Variants in LARP4 observed in about 807,000 individuals in gnomAD.
LARP4 encodes the protein la-related protein 4.
In LARP4, 29 loss-of-function variants were observed where a neutral mutation model predicts 92.9. The ratio of observed to expected loss-of-function variants is 0.31; its 90% confidence interval spans 0.23 to 0.43. LARP4 has a LOEUF of 0.43. Ranked by LOEUF, LARP4 falls within the 20% of genes least tolerant of loss-of-function variation. The pLI is 1.00. For missense variants in LARP4, 732 were observed against 860.0 expected (o/e 0.85, Z 1.86); for synonymous variants, 279 against 284.1 (o/e 0.98, Z 0.18).
chr12:50,456,744 A>G (rs1954323476), intron 10 of LARP4, among the ~76,000 whole-genome samples: 1 of 152,026 alleles, frequency 6.6e-6, no homozygotes, highest in South Asian at 2.1e-4. Flanking sequence ...GAGATTGTTA[A>G]GTCCCTCTCA....
intron 5 of LARP4, among the ~76,000 whole-genome samples, chr12:50,437,177 C>T (rs899637931): frequency 2.7e-4 from 41 of 152,226 alleles, no homozygotes; most frequent in Admixed American, 1.7e-3. Flanking sequence ...TATAATATTT[C>T]CTCATAATCA....
chr12:50,431,041 C>T (rs1350769048), intron 4 of LARP4, among the ~76,000 whole-genome samples: 1 of 151,546 alleles, frequency 6.6e-6, no homozygotes, highest in Non-Finnish European at 1.5e-5. Context: ...GCTTCGGTGG[C>T]TGGATCACCT....
Position 50,400,972 on chromosome 12 carries a change from T to C in LARP4, c.-39T>C, listed in dbSNP as rs1318314434. ...GCGCGGGCCTGTGAGCCAGTTGGAGTTGCGGCGGCGGGAACGATTGGGCTG... is the reference window on the plus strand; with the variant it reads ...GCGCGGGCCTGTGAGCCAGTTGGAGCTGCGGCGGCGGGAACGATTGGGCTG... On this transcript the variant is annotated 5_prime_UTR_variant, in exon 1 of 16. Coordinates refer to ENST00000398473, the MANE Select transcript of LARP4 (RefSeq NM_052879.5). 3 of 1,613,914 alleles carry C rather than the reference T, an allele frequency of 1.9e-6. No homozygotes were observed. Among genetic ancestry groups the C allele is most frequent in the South Asian group, 2.2e-5 (2 of 91,080 alleles).
chr12:50,424,540 T>C (rs1182512014), intron 1 of LARP4, among the ~76,000 whole-genome samples: 1 of 151,878 alleles, frequency 6.6e-6, no homozygotes, highest in Non-Finnish European at 1.5e-5. Context: ...GTATTTTAAG[T>C]AGAGACAGGG....
chr12:50,428,809 C>A, intron 2 of LARP4, 126 bp from the exon 3 acceptor site: 1 of 658,204 alleles, frequency 1.5e-6, no homozygotes, highest in Non-Finnish European at 2.5e-6. Context: ...TGCTTAAAAC[C>A]ATGCGGACAT....
intron 1 of LARP4, among the ~76,000 whole-genome samples, chr12:50,415,992 CCACCG>C (rs1946719435): frequency 1.3e-5 from 2 of 152,024 alleles, no homozygotes; most frequent in African/African-American, 4.8e-5. Context: ...TAGGCGTGAG[CCACCG>C]CCCCCACCCT....
In LARP4 at chr12:50,414,154, G is replaced by A. The variant is rs117787485; in HGVS notation, c.18+13126G>A. 2.2e-3 allele frequency among the ~76,000 whole-genome samples: 339 copies of A among 152,240 alleles called. 2 individuals are homozygous for A. The highest frequency in any genetic ancestry group is 0.014 in the Middle Eastern group (4 of 294). ...ATCAAAATAGTATTGAATCTGGGCC[G>A]TTGAATAGGGTAAAAATGATATTTT... is the stretch of plus-strand genomic sequence containing the variant. On this transcript the variant is annotated intron_variant, in intron 1 of 15. Coordinates refer to ENST00000398473, the MANE Select transcript of LARP4 (RefSeq NM_052879.5).
At chr12:50,453,957 A>G (rs1953747018) in intron 9 of LARP4, among the ~76,000 whole-genome samples, 1 of 152,146 alleles carries the variant, frequency 6.6e-6, no homozygotes, top group East Asian at 1.9e-4. Flanking sequence ...TGATATGGAT[A>G]TCTAATTCTC....
intron 1 of LARP4, among the ~76,000 whole-genome samples, chr12:50,408,772 T>G (rs1338829760): frequency 6.6e-6 from 1 of 152,200 alleles, no homozygotes; most frequent in Admixed American, 6.6e-5. Flanking sequence ...TGTGTGCTTA[T>G]TGGCAAGACT....
intron 1 of LARP4, among the ~76,000 whole-genome samples, chr12:50,414,492 A>G (rs1020700493): frequency 1.3e-4 from 20 of 152,142 alleles, no homozygotes; most frequent in Non-Finnish European, 5.9e-5. Flanking sequence ...TTGTAAAGAC[A>G]GGGTTTCACT....
At chr12:50,441,715 C>T in intron 8 of LARP4, 72 bp downstream of exon 8, 6 of 1,169,100 alleles carry the variant, frequency 5.1e-6, no homozygotes, top group South Asian at 4.1e-5. Context: ...AAAATACAGA[C>T]AGATAATATT....
intron 10 of LARP4, among the ~76,000 whole-genome samples, chr12:50,458,139 ATGT>A (rs1565700020): frequency 6.6e-6 from 1 of 150,748 alleles, no homozygotes; most frequent in East Asian, 2.0e-4. Flanking sequence ...GGGTTTTGCC[ATGT>A]TGTGCAGGCT....
intron 10 of LARP4, 95 bp downstream of exon 10, chr12:50,454,512 G>A (rs1382662926): frequency 1.3e-5 from 12 of 909,304 alleles, no homozygotes; most frequent in Non-Finnish European, 1.8e-5. Context: ...TCAGTAATAA[G>A]GTTTGGTGGA....
At chr12:50,449,729 AG>A (rs1296781464) in intron 8 of LARP4, among the ~76,000 whole-genome samples, 9 of 152,112 alleles carry the variant, frequency 5.9e-5, no homozygotes, top group Non-Finnish European at 1.5e-5. Flanking sequence ...CCTGAGTTAC[AG>A]GTTCTATGTG....
At chr12:50,413,096 G>A (rs2136461214) in intron 1 of LARP4, among the ~76,000 whole-genome samples, 1 of 151,924 alleles carries the variant, frequency 6.6e-6, no homozygotes, top group East Asian at 1.9e-4. Context: ...GGTGGTGGGC[G>A]CCTGTGATCC....
chr12:50,418,785 C>G (rs1308259157), intron 1 of LARP4, among the ~76,000 whole-genome samples: 2 of 152,148 alleles, frequency 1.3e-5, no homozygotes, highest in African/African-American at 4.8e-5. Flanking sequence ...ATCATGTGAT[C>G]TTGGCTCACT....
chr12:50,477,013 G>C lies in LARP4; in HGVS notation c.*1149G>C, dbSNP rs1437204837. On this transcript the variant is annotated 3_prime_UTR_variant, in exon 16 of 16. Transcript: ENST00000398473. ...CTCTTAAGTGTTAAATAATGTAGAA[G>C]TAAAAAAATTTTTTTTAAAGGCTTA... is the stretch of plus-strand genomic sequence containing the variant. 6.6e-6 allele frequency: 1 copy of C among 152,322 alleles called. No homozygotes were observed. Among genetic ancestry groups the C allele is most frequent in the Non-Finnish European group, 1.5e-5 (1 of 68,006 alleles). 9.4% of individuals were successfully genotyped at this position (152,322 alleles called of 1,614,324 possible).
chr12:50,436,329 C>G (rs1593080148), intron 5 of LARP4, among the ~76,000 whole-genome samples: 1 of 151,992 alleles, frequency 6.6e-6, no homozygotes, highest in African/African-American at 2.4e-5. Context: ...TATACAGCTT[C>G]TGTAATAATT....
chr12:50,424,360 C>CTT (rs1022740121), intron 1 of LARP4, among the ~76,000 whole-genome samples: 5 of 141,514 alleles, frequency 3.5e-5, no homozygotes, highest in Admixed American at 7.1e-5. Context: ...ACTGGCTGTC[C>CTT]TTTTTTTTTT....
Sources: gnomAD v4.1 joint callset for allele counts (sites outside exome capture counted in the v4.1 genomes callset) on GRCh38, gnomAD v4.1.1 for gene constraint, MANE v1.5 for transcripts, NCBI Gene and HGNC (gene_info 2026-07-23, HGNC 2026-07-21) for gene names.